The following RAPGEF1 variants were observed in gnomAD, a reference collection of about 807,000 sequenced individuals.
RAPGEF1 encodes the protein CRK SH3-binding GNRP.
A neutral mutation model predicts 143.3 loss-of-function variants in RAPGEF1; 33 were observed. The ratio of observed to expected loss-of-function variants is 0.23; its 90% CI spans 0.17 to 0.31. The LOEUF (loss-of-function observed/expected upper bound fraction) is 0.31. Ranked by LOEUF, RAPGEF1 falls within the 10% of genes least tolerant of loss-of-function variation. The probability of loss-of-function intolerance (pLI) is 1.00; values close to 1 mark genes in which losing one functional copy is unlikely to be tolerated. For synonymous variants in RAPGEF1, 629 were observed against 676.5 expected (o/e 0.93, Z 1.09); for missense variants, 1,199 against 1,645.4 (o/e 0.73, Z 4.69).
chr9:131,638,499 T>C, intron 5 of RAPGEF1, 136 bp downstream of exon 5: 2 of 981,192 alleles, frequency 2.0e-6, no homozygotes, highest in Non-Finnish European at 1.5e-6. Flanking sequence ...AGTTATGGGA[T>C]AGAGCGCACC....
intron 1 of RAPGEF1, among the ~76,000 whole-genome samples, chr9:131,723,561 T>C (rs960891579): frequency 2.6e-5 from 4 of 152,246 alleles, no homozygotes; most frequent in African/African-American, 9.6e-5. Flanking sequence ...TTATTTTACT[T>C]AGCATAATGT....
At chr9:131,719,861 C>T (rs1485528804) in intron 1 of RAPGEF1, among the ~76,000 whole-genome samples, 2 of 150,316 alleles carry the variant, frequency 1.3e-5, no homozygotes, top group Non-Finnish European at 3.0e-5. Context: ...GCCCACACAG[C>T]TATATTTTCT....
chr9:131,602,222 T>C, intron 14 of RAPGEF1, 73 bp from the exon 15 acceptor site: 1 of 1,126,200 alleles, frequency 8.9e-7, no homozygotes, highest in Non-Finnish European at 1.3e-6. Context: ...CCAGCATTCC[T>C]GCCTGCAAGT....
intron 1 of RAPGEF1, among the ~76,000 whole-genome samples, chr9:131,683,050 C>T (rs905213069): frequency 6.6e-6 from 1 of 152,166 alleles, no homozygotes; most frequent in Non-Finnish European, 1.5e-5. Flanking sequence ...ATGGGGAGCA[C>T]AAGTTCTAAT....
At chr9:131,613,053 G>A (rs1161227337) in intron 12 of RAPGEF1, among the ~76,000 whole-genome samples, 1 of 152,208 alleles carries the variant, frequency 6.6e-6, no homozygotes, top group African/African-American at 2.4e-5. Flanking sequence ...CAGGAAAGCA[G>A]CAGCCTCCCC....
chr9:131,601,412 G>T (rs1438156269), intron 15 of RAPGEF1, among the ~76,000 whole-genome samples: 1 of 152,148 alleles, frequency 6.6e-6, no homozygotes, highest in Non-Finnish European at 1.5e-5. Flanking sequence ...GTTGGCCTGG[G>T]ATTTGAAAAA....
intron 1 of RAPGEF1, among the ~76,000 whole-genome samples, chr9:131,658,795 C>G (rs1490551164): frequency 6.6e-6 from 1 of 152,246 alleles, no homozygotes; most frequent in Non-Finnish European, 1.5e-5. Flanking sequence ...ATATTTCATT[C>G]TTAAATTTTT....
At chr9:131,595,771 A>G (rs955615941) in intron 17 of RAPGEF1, among the ~76,000 whole-genome samples, 1 of 152,148 alleles carries the variant, frequency 6.6e-6, no homozygotes, top group African/African-American at 2.4e-5. Flanking sequence ...CCTCTCAATC[A>G]GCACACTGAA....
intron 1 of RAPGEF1, among the ~76,000 whole-genome samples, chr9:131,691,826 GTTT>G (rs1433808356): frequency 1.3e-5 from 2 of 152,008 alleles, no homozygotes; most frequent in Non-Finnish European, 2.9e-5. Flanking sequence ...GGGTTTTATG[GTTT>G]TTAATTTGAC....
intron 5 of RAPGEF1, among the ~76,000 whole-genome samples, chr9:131,632,925 A>G (rs553627377): frequency 6.6e-6 from 1 of 152,276 alleles, no homozygotes; most frequent in African/African-American, 2.4e-5. Context: ...AAATGCATAT[A>G]TCAAACTCTT....
chr9:131,712,522 G>C lies in RAPGEF1; in HGVS notation c.61+27248C>G, dbSNP rs577745629. 3.9e-5 allele frequency among the ~76,000 whole-genome samples: 6 copies of C among 152,256 alleles called. No homozygotes were observed. The East Asian group carries it at 1.2e-3, about 29-fold the overall frequency. ...TTAGCTCAGGCCACTCTGGGCCCTG[G>C]AATTTCTTCCCTATCAGGAGTGCGA... On this transcript the variant is annotated intron_variant, in intron 1 of 26. Coordinates refer to ENST00000683357, the MANE Select transcript of RAPGEF1 (RefSeq NM_001377935.1).
chr9:131,649,472 C>G (rs961469446), intron 3 of RAPGEF1, among the ~76,000 whole-genome samples: 1 of 152,216 alleles, frequency 6.6e-6, no homozygotes, highest in South Asian at 2.1e-4. Flanking sequence ...TGACGTCAGA[C>G]AGCCTGCATT....
chr9:131,614,140 A>C (rs796090410), intron 12 of RAPGEF1, among the ~76,000 whole-genome samples: 295 of 142,654 alleles, frequency 2.1e-3, no homozygotes, highest in Non-Finnish European at 2.6e-3. Flanking sequence ...GTGCACCAAC[A>C]CCCCCCCCCA....
At chr9:131,710,824 G>A (rs138232463) in intron 1 of RAPGEF1, among the ~76,000 whole-genome samples, 1,607 of 151,616 alleles carry the variant, frequency 0.011, 13 homozygotes, top group Non-Finnish European at 0.016. Context: ...GGGAGGTGGA[G>A]GCTGCAGTAA....
At chr9:131,737,774 C>T (rs937831111) in intron 1 of RAPGEF1, among the ~76,000 whole-genome samples, 2 of 152,084 alleles carry the variant, frequency 1.3e-5, no homozygotes, top group Non-Finnish European at 2.9e-5. Context: ...ACCATATTGG[C>T]TAACACGGTG....
intron 3 of RAPGEF1, among the ~76,000 whole-genome samples, chr9:131,644,393 T>TAA (rs34822352): frequency 5.0e-4 from 68 of 137,262 alleles, no homozygotes; most frequent in African/African-American, 1.2e-3. Flanking sequence ...GGCTGTCCTT[T>TAA]AAAAAAAAAA....
intron 1 of RAPGEF1, among the ~76,000 whole-genome samples, chr9:131,684,224 C>T (rs1449271710): frequency 6.6e-6 from 1 of 152,208 alleles, no homozygotes; most frequent in Non-Finnish European, 1.5e-5. Flanking sequence ...CACATGTTCC[C>T]TTGTTTGGGA....
At position 131,587,813 on chromosome 9, in the gene RAPGEF1, A is replaced by G. The variant is rs555493189; in HGVS notation, c.3156T>C (p.Leu1052=). The G allele has an allele frequency of 5.6e-5, 90 of 1,613,726 alleles. 2 individuals are homozygous for G. In the East Asian group the frequency reaches 9.8e-4, roughly 18 times the overall value. Reference sequence around the variant, plus strand: ...TCTCCTCATTCTGCTCTTTTGCCCAAAGCAAAACCTCAGGAATCTACAAAA... The same window carrying G: ...TCTCCTCATTCTGCTCTTTTGCCCAGAGCAAAACCTCAGGAATCTACAAAA... ...FYKIEIPEVL[L]WAKEQNEEKS... The change falls in exon 22 of 27, where the codon CTT becomes CTC. Residue 1052 remains leucine (L), a synonymous_variant. Transcript: ENST00000683357.
chr9:131,739,683 C>T, intron 1 of RAPGEF1, 87 bp downstream of exon 1: 1 of 970,534 alleles, frequency 1.0e-6, no homozygotes, highest in Non-Finnish European at 1.2e-6. Flanking sequence ...GGCCGCACAT[C>T]CCGGGCGACC....
Sources: gnomAD v4.1 joint callset for allele counts (sites outside exome capture counted in the v4.1 genomes callset) on GRCh38, gnomAD v4.1.1 for gene constraint, MANE v1.5 for transcripts, NCBI Gene and HGNC (gene_info 2026-07-23, HGNC 2026-07-21) for gene names.